Variants in CPT1A observed in about 807,000 individuals in gnomAD.
CPT1A encodes carnitine O-palmitoyltransferase 1, liver isoform.
Under a neutral mutation model 100.8 loss-of-function variants are expected in CPT1A, and 64 were observed. The ratio of observed to expected loss-of-function variants is 0.63; its 90% CI spans 0.52 to 0.78. CPT1A has a LOEUF of 0.78. Ranked by LOEUF, CPT1A falls within the 30% of genes least tolerant of loss-of-function variation. The pLI, the probability that CPT1A is intolerant of heterozygous loss-of-function variation, is 0.00. For missense variants in CPT1A, 802 were observed against 1,034.1 expected (o/e 0.78, Z 3.08); for synonymous variants, 363 against 396.0 (o/e 0.92, Z 0.99).
intron 3 of CPT1A, 87 bp from the exon 4 acceptor site, chr11:68,807,725 G>A: frequency 7.4e-7 from 1 of 1,351,734 alleles, no homozygotes; most frequent in South Asian, 1.2e-5. Context: ...GACACCACGT[G>A]CTGCAGGGTC....
chr11:68,803,198 G>C (rs2154000493), intron 5 of CPT1A, among the ~76,000 whole-genome samples: 1 of 152,342 alleles, frequency 6.6e-6, no homozygotes, highest in South Asian at 2.1e-4. Context: ...GGGAAATTCT[G>C]ACACAGGCTG....
At chr11:68,770,032 C>T (rs937344533) in intron 14 of CPT1A, among the ~76,000 whole-genome samples, 1 of 148,744 alleles carries the variant, frequency 6.7e-6, no homozygotes, top group Non-Finnish European at 1.5e-5. Flanking sequence ...TGCACTCCAG[C>T]CTGGGCAACA....
intron 14 of CPT1A, among the ~76,000 whole-genome samples, chr11:68,768,468 T>TG (rs987697341): frequency 1.3e-5 from 2 of 151,756 alleles, no homozygotes; most frequent in Admixed American, 6.6e-5. Context: ...TGCAGTGGCG[T>TG]GGTCTTGGCG....
chr11:68,784,634 A>AC (rs984330269), intron 10 of CPT1A, among the ~76,000 whole-genome samples, 181 bp downstream of exon 10: 1 of 151,364 alleles, frequency 6.6e-6, no homozygotes, highest in Admixed American at 6.6e-5. Flanking sequence ...GTGGCCAGGG[A>AC]CCCCCCACCA....
intron 13 of CPT1A, 137 bp from the exon 14 acceptor site, chr11:68,773,566 C>T (rs980124799): frequency 6.7e-7 from 1 of 1,495,414 alleles, no homozygotes. Context: ...TTTCCTGACC[C>T]AGAAGCCCTA....
At chr11:68,790,044 T>G (rs71465403) in intron 9 of CPT1A, among the ~76,000 whole-genome samples, 3 of 152,146 alleles carry the variant, frequency 2.0e-5, no homozygotes, top group African/African-American at 7.2e-5. Flanking sequence ...TGTGAAAACC[T>G]TATTTCTTAA....
chr11:68,837,259 A>T (rs1857031961), intron 1 of CPT1A, among the ~76,000 whole-genome samples: 1 of 152,124 alleles, frequency 6.6e-6, no homozygotes, highest in Non-Finnish European at 1.5e-5. Context: ...TGTGTTGGCC[A>T]GGCTGGTCTC....
rs1488339884 is a variant in CPT1A at position 68,757,273 on chromosome 11, C to A, written c.*371G>T. The A allele has an allele frequency of 6.1e-6, 7 of 1,146,984 alleles. No individual in the cohort carries two copies. In the African/African-American group the frequency reaches 9.6e-5, roughly 16 times the overall value. The allele number at this position is 1,146,984 out of a possible 1,614,324, so 71.1% of individuals were successfully genotyped here. On this transcript the variant is annotated 3_prime_UTR_variant, in exon 19 of 19. Transcript: ENST00000265641. ...TTGGATGATGCTAAATGCCCTTAAG[C>A]ACTAGGCCTTCGGTTGCCACTGAGA... is the stretch of plus-strand genomic sequence containing the variant.
chr11:68,836,654 C>T (rs1001535730), intron 1 of CPT1A, among the ~76,000 whole-genome samples: 4 of 151,986 alleles, frequency 2.6e-5, no homozygotes, highest in Admixed American at 6.6e-5. Context: ...CCCCTGTAGT[C>T]CCAGCTGCTT....
chr11:68,830,083 C>A (rs933745564), intron 1 of CPT1A, among the ~76,000 whole-genome samples: 1 of 152,066 alleles, frequency 6.6e-6, no homozygotes, highest in African/African-American at 2.4e-5. Context: ...TCAAGACCAG[C>A]CTGGCCAACG....
chr11:68,760,082 T>C, intron 17 of CPT1A, 143 bp downstream of exon 17: 3 of 684,180 alleles, frequency 4.4e-6, no homozygotes, highest in East Asian at 2.7e-5. Flanking sequence ...AGGACATCCA[T>C]AGCAATGATC....
chr11:68,802,833 G>A (rs2154000466), intron 5 of CPT1A, among the ~76,000 whole-genome samples: 1 of 149,310 alleles, frequency 6.7e-6, no homozygotes, highest in African/African-American at 2.5e-5. Context: ...GGAAGTTGAG[G>A]CTGTGGTGAG....
At chr11:68,797,130 T>A (rs1365314946) in intron 6 of CPT1A, among the ~76,000 whole-genome samples, 197 bp from the exon 7 acceptor site, 1 of 152,184 alleles carries the variant, frequency 6.6e-6, no homozygotes, top group African/African-American at 2.4e-5. Context: ...AAAAGTGTTC[T>A]TTTTAAGTTG....
chr11:68,814,452 G>A (rs1369741086), intron 2 of CPT1A, among the ~76,000 whole-genome samples: 4 of 151,804 alleles, frequency 2.6e-5, no homozygotes, highest in Non-Finnish European at 5.9e-5. Context: ...GACTGCAGGC[G>A]CCCGCCACCA....
intron 10 of CPT1A, among the ~76,000 whole-genome samples, chr11:68,784,517 G>A (rs557808908): frequency 6.6e-6 from 1 of 152,238 alleles, no homozygotes; most frequent in South Asian, 2.1e-4. Flanking sequence ...CTGGGTGACA[G>A]AGCGAGACTT....
intron 1 of CPT1A, among the ~76,000 whole-genome samples, chr11:68,839,877 T>C (rs1857118474): frequency 6.6e-6 from 1 of 152,198 alleles, no homozygotes; most frequent in Non-Finnish European, 1.5e-5. Flanking sequence ...GGACCCAGTT[T>C]AATTCTCTTC....
intron 1 of CPT1A, among the ~76,000 whole-genome samples, chr11:68,832,340 C>G (rs1856900394): frequency 6.6e-6 from 1 of 152,168 alleles, no homozygotes; most frequent in African/African-American, 2.4e-5. Flanking sequence ...GTCCCAGATA[C>G]TAGGGAAACT....
intron 12 of CPT1A, among the ~76,000 whole-genome samples, chr11:68,780,010 AT>A (rs1855262290): frequency 6.6e-6 from 1 of 152,166 alleles, no homozygotes; most frequent in Admixed American, 6.6e-5. Context: ...AATCCAGCAC[AT>A]AAGGGATAGT....
upstream of CPT1A, among the ~76,000 whole-genome samples, chr11:68,842,310 G>A (rs1003949780): frequency 7.9e-5 from 12 of 152,030 alleles, no homozygotes; most frequent in Non-Finnish European, 1.8e-4. Flanking sequence ...CCACATCACC[G>A]AGCTGAGAAG....
Sources: allele counts gnomAD v4.1 joint callset (sites outside exome capture counted in the v4.1 genomes callset), GRCh38; gene constraint gnomAD v4.1.1; transcripts MANE v1.5; gene names NCBI Gene and HGNC (gene_info 2026-07-23, HGNC 2026-07-21).